The following FMNL2 variants were observed in gnomAD, a reference collection of about 807,000 sequenced individuals.
FMNL2 encodes formin like 2.
In FMNL2, 51 loss-of-function variants were observed where a neutral mutation model predicts 130.2. That is an observed-to-expected ratio of 0.39 (90% CI 0.31 to 0.49). FMNL2 has a LOEUF of 0.49. FMNL2 is among the 20% of genes least tolerant of loss of function. The pLI is 0.85. For missense variants in FMNL2, 977 were observed against 1,316.2 expected, an observed-to-expected ratio of 0.74 and a Z score of 3.99; for synonymous variants, 465 against 467.1, an observed-to-expected ratio of 1.00 and a Z score of 0.06.
At chr2:152,613,880 A>T (rs1394350197) in intron 11 of FMNL2, among the ~76,000 whole-genome samples, 1 of 152,062 alleles carries the variant, frequency 6.6e-6, no homozygotes. Context: ...GATTTATTTG[A>T]CCTCTAATTT....
At chr2:152,605,491 T>A (rs551880287) in intron 9 of FMNL2, among the ~76,000 whole-genome samples, 19 of 152,216 alleles carry the variant, frequency 1.2e-4, no homozygotes, top group African/African-American at 3.9e-4. Context: ...TCTGATTTTT[T>A]AATTTTTATT....
chr2:152,477,812 G>A (rs1012684155), intron 1 of FMNL2, among the ~76,000 whole-genome samples: 1 of 152,002 alleles, frequency 6.6e-6, no homozygotes, highest in African/African-American at 2.4e-5. Flanking sequence ...TCCAGTAAAG[G>A]TGTCTTTGGT....
intron 6 of FMNL2, among the ~76,000 whole-genome samples, chr2:152,563,594 T>C (rs1257396733): frequency 1.3e-5 from 2 of 152,202 alleles, no homozygotes; most frequent in Non-Finnish European, 1.5e-5. Flanking sequence ...TTGCTTTTCA[T>C]ATACCCAAAC....
chr2:152,570,213 T>C (rs1696101327), intron 6 of FMNL2, among the ~76,000 whole-genome samples: 1 of 152,218 alleles, frequency 6.6e-6, no homozygotes, highest in Non-Finnish European at 1.5e-5. Context: ...AGTTTTGTAA[T>C]CTGTAATCTG....
intron 4 of FMNL2, among the ~76,000 whole-genome samples, chr2:152,553,656 A>G (rs1234830852): frequency 1.3e-5 from 2 of 151,692 alleles, no homozygotes; most frequent in Admixed American, 6.6e-5. Flanking sequence ...TTAGAAATTA[A>G]AACTGATAAA....
At chr2:152,343,291 A>G (rs1681916335) in intron 1 of FMNL2, among the ~76,000 whole-genome samples, 1 of 143,950 alleles carries the variant, frequency 6.9e-6, no homozygotes, top group South Asian at 2.4e-4. Flanking sequence ...TCAAATATCA[A>G]ATAGTTCATA....
intron 15 of FMNL2, chr2:152,620,816 C>G (rs1288094439): frequency 1.8e-5 from 11 of 597,058 alleles, no homozygotes; most frequent in Non-Finnish European, 2.3e-5. Context: ...AAATTCACTC[C>G]ACATCAAATC....
At chr2:152,625,846 TGAGA>T (rs1439033998) in intron 16 of FMNL2, among the ~76,000 whole-genome samples, 2 of 152,038 alleles carry the variant, frequency 1.3e-5, no homozygotes, top group Non-Finnish European at 2.9e-5. Flanking sequence ...TTCCCTTAAT[TGAGA>T]GAAAGACATA....
intron 1 of FMNL2, among the ~76,000 whole-genome samples, chr2:152,346,834 A>G (rs913145051): frequency 2.6e-5 from 4 of 151,924 alleles, no homozygotes; most frequent in African/African-American, 7.3e-5. Flanking sequence ...GCTCATGCCT[A>G]TAATCCCAGC....
At chr2:152,535,477 ACT>A (rs1409473536) in intron 2 of FMNL2, among the ~76,000 whole-genome samples, 1 of 152,160 alleles carries the variant, frequency 6.6e-6, no homozygotes, top group African/African-American at 2.4e-5. Context: ...TTGTATTACA[ACT>A]ATGTCTGTTG....
intron 25 of FMNL2, among the ~76,000 whole-genome samples, chr2:152,642,528 G>C (rs1251033209): frequency 6.6e-6 from 1 of 152,182 alleles, no homozygotes; most frequent in Non-Finnish European, 1.5e-5. Context: ...TAGTGCAGTG[G>C]CTTATAGATG....
chr2:152,508,115 C>T (rs1053442324), intron 1 of FMNL2, among the ~76,000 whole-genome samples: 14 of 151,930 alleles, frequency 9.2e-5, no homozygotes, highest in Admixed American at 1.3e-4. Context: ...ATATATTGTG[C>T]TTATCATTTA....
At chr2:152,612,354 T>C (rs1698727894) in intron 11 of FMNL2, among the ~76,000 whole-genome samples, 1 of 152,130 alleles carries the variant, frequency 6.6e-6, no homozygotes, top group Non-Finnish European at 1.5e-5. Flanking sequence ...ACCCCATCTA[T>C]ACAAAACACC....
intron 2 of FMNL2, among the ~76,000 whole-genome samples, chr2:152,525,892 C>A (rs1324626500): frequency 6.6e-6 from 1 of 152,098 alleles, no homozygotes; most frequent in Admixed American, 6.5e-5. Context: ...TGACCCATAC[C>A]ATATACATGT....
intron 1 of FMNL2, among the ~76,000 whole-genome samples, chr2:152,457,967 A>G (rs959263013): frequency 3.9e-5 from 6 of 152,210 alleles, no homozygotes; most frequent in East Asian, 1.9e-4. Flanking sequence ...TTCTCCATCT[A>G]TGAGGATTCA....
intron 1 of FMNL2, among the ~76,000 whole-genome samples, chr2:152,485,795 A>G (rs908162800): frequency 3.9e-5 from 6 of 152,242 alleles, no homozygotes; most frequent in Non-Finnish European, 7.3e-5. Flanking sequence ...CAATTGTAGC[A>G]GAATAGAGAC....
intron 1 of FMNL2, among the ~76,000 whole-genome samples, chr2:152,375,818 C>T (rs1241546661): frequency 4.1e-5 from 6 of 147,208 alleles, no homozygotes; most frequent in African/African-American, 1.5e-4. Flanking sequence ...ACTTTATAGA[C>T]ATTTCAAGTA....
rs115875433 is a variant in FMNL2, at chr2:152,505,941, C to A, written c.118-16002C>A. On this transcript the variant is annotated intron_variant, in intron 1 of 25. Transcript: ENST00000288670. ...GGCATTGTTAATAATTATGCCAGGACAGCAGGCATTTTAGATTTGTACTCT... is the reference window on the plus strand; with the variant it reads ...GGCATTGTTAATAATTATGCCAGGAAAGCAGGCATTTTAGATTTGTACTCT... Among the ~76,000 whole-genome samples, 1,279 of 152,292 alleles carry A rather than the reference C, an allele frequency of 8.4e-3. 24 individuals are homozygous for A. Among genetic ancestry groups the A allele is most frequent in the African/African-American group, 0.029 (1,201 of 41,564 alleles).
intron 1 of FMNL2, among the ~76,000 whole-genome samples, chr2:152,496,149 G>A (rs998440603): frequency 1.3e-5 from 2 of 152,112 alleles, no homozygotes; most frequent in African/African-American, 4.8e-5. Context: ...TTGTCCTGCT[G>A]ATGCCCTTTT....
Sources: allele counts gnomAD v4.1 joint callset (sites outside exome capture counted in the v4.1 genomes callset), GRCh38; gene constraint gnomAD v4.1.1; transcripts MANE v1.5; gene names NCBI Gene and HGNC (gene_info 2026-07-23, HGNC 2026-07-21).